The following SPAG16 variants were observed in gnomAD, a reference collection of about 807,000 sequenced individuals.
The protein encoded by SPAG16 is sperm associated antigen 16, also known as sperm-associated antigen 16 protein.
In SPAG16, 86 loss-of-function variants were observed where a neutral mutation model predicts 80.4. That is an observed-to-expected ratio of 1.07 (90% CI 0.90 to 1.28). SPAG16 has a LOEUF of 1.28. Among genes scored for constraint, SPAG16 ranks in the 50% most tolerant of loss-of-function variants. SPAG16 has a pLI of 0.00. For missense variants in SPAG16, 870 were observed against 765.3 expected (o/e 1.14, Z -1.61); for synonymous variants, 294 against 265.9 (o/e 1.11, Z -1.03).
intron 9 of SPAG16, among the ~76,000 whole-genome samples, chr2:213,383,363 A>G (rs1252009141): frequency 6.6e-6 from 1 of 152,140 alleles, no homozygotes; most frequent in Non-Finnish European, 1.5e-5. Context: ...CTTATCTTCT[A>G]GCTCTACTTG....
intron 10 of SPAG16, among the ~76,000 whole-genome samples, chr2:213,508,823 C>G (rs1258292447): frequency 6.6e-6 from 1 of 151,654 alleles, no homozygotes. Context: ...TGTTAAATGA[C>G]GAGTTACTGG....
intron 10 of SPAG16, among the ~76,000 whole-genome samples, chr2:213,715,320 G>A (rs2066193615): frequency 6.6e-6 from 1 of 151,810 alleles, no homozygotes; most frequent in African/African-American, 2.4e-5. Flanking sequence ...GGATATGGAG[G>A]TGAGAAAACA....
Position 214,298,175 on chromosome 2 carries a change from C to T in SPAG16, c.1721-111965C>T, listed in dbSNP as rs9711627. Among the ~76,000 whole-genome samples the T allele has an allele frequency of 3.9e-3, 399 of 101,560 alleles. 2 individuals carry two copies. The highest frequency in any genetic ancestry group is 0.011 in the African/African-American group (349 of 32,054). The allele number at this position is 101,560 out of a possible 152,430, so 66.6% of individuals were successfully genotyped here. A position where few individuals can be genotyped will look rare whatever the true frequency, so the allele number is the denominator to read the frequency against. ...ACACACATATACACACACACACACA[C>T]ATATATATATATTTGCATGGCAATT... On this transcript the variant is annotated intron_variant, in intron 15 of 15. Coordinates refer to ENST00000331683, the MANE Select transcript of SPAG16 (RefSeq NM_024532.5).
rs549097149 is a variant in SPAG16 at position 214,222,819 on chromosome 2, C to T, written c.1720+73553C>T. The stretch of plus-strand genomic sequence containing the variant: ...ACTGGGAGCTTCTATAAAATGCTCT[C>T]TGGATGTGCCTCATACCAAATAAAT... On this transcript the variant is annotated intron_variant, in intron 15 of 15. Coordinates refer to ENST00000331683, the MANE Select transcript of SPAG16 (RefSeq NM_024532.5). 1.2e-3 allele frequency among the ~76,000 whole-genome samples: 190 copies of T among 152,246 alleles called. 2 individuals carry two copies. Among genetic ancestry groups the T allele is most frequent in the African/African-American group, 4.0e-3 (165 of 41,562 alleles).
chr2:213,405,321 C>T (rs2068553246), intron 9 of SPAG16, among the ~76,000 whole-genome samples: 1 of 152,044 alleles, frequency 6.6e-6, no homozygotes, highest in Admixed American at 6.5e-5. Flanking sequence ...AAAATTATAA[C>T]AATTTTTAAA....
chr2:213,946,330 G>C (rs1418796366), intron 12 of SPAG16, among the ~76,000 whole-genome samples: 2 of 151,530 alleles, frequency 1.3e-5, no homozygotes, highest in Non-Finnish European at 2.9e-5. Flanking sequence ...GGCCAGGCTG[G>C]TCTTGAACTC....
rs1387075156 is a variant in SPAG16, at chr2:213,991,136, A to G, written c.1401-22815A>G. On this transcript the variant is annotated intron_variant, in intron 12 of 15. Transcript: ENST00000331683. ...ATCATCTACATTAGGTATGTCTCCT[A>G]ATGCTATCTCTCCCCTAGCCCCCAC... is the stretch of plus-strand genomic sequence containing the variant. Among the ~76,000 whole-genome samples the G allele has an allele frequency of 3.8e-4, 57 of 151,888 alleles. 3 individuals are homozygous for G. The highest frequency in any genetic ancestry group is 3.7e-3 in the Admixed American group (57 of 15,240).
intron 10 of SPAG16, among the ~76,000 whole-genome samples, chr2:213,695,349 A>T (rs1177331601): frequency 6.6e-6 from 1 of 152,196 alleles, no homozygotes; most frequent in African/African-American, 2.4e-5. Flanking sequence ...GTTCAGGATA[A>T]TTCCTTCAAC....
intron 12 of SPAG16, among the ~76,000 whole-genome samples, chr2:214,012,286 A>ATTTTTTTTTTTTT (rs1162955315): frequency 6.6e-4 from 36 of 54,922 alleles, no homozygotes; most frequent in African/African-American, 3.4e-3. Flanking sequence ...ATATATATAT[A>ATTTTTTTTTTTTT]TATTTTTTTT....
At chr2:213,950,259 G>T (rs2079683620) in intron 12 of SPAG16, among the ~76,000 whole-genome samples, 1 of 152,064 alleles carries the variant, frequency 6.6e-6, no homozygotes, top group Admixed American at 6.6e-5. Context: ...CTTTGCAAAT[G>T]TATCTTTATT....
At chr2:214,267,739 T>C (rs1430221520) in intron 15 of SPAG16, among the ~76,000 whole-genome samples, 1 of 151,888 alleles carries the variant, frequency 6.6e-6, no homozygotes, top group Admixed American at 6.6e-5. Context: ...GAAAGCATTC[T>C]ATAGATTCAA....
chr2:214,193,822 A>G (rs2057747202), intron 15 of SPAG16, among the ~76,000 whole-genome samples: 1 of 152,126 alleles, frequency 6.6e-6, no homozygotes, highest in Admixed American at 6.6e-5. Context: ...ATTGGTGCAA[A>G]TGTTCTCTCT....
At chr2:213,831,883 G>A (rs891570682) in intron 10 of SPAG16, among the ~76,000 whole-genome samples, 1 of 152,010 alleles carries the variant, frequency 6.6e-6, no homozygotes, top group Non-Finnish European at 1.5e-5. Context: ...TTTATAATTT[G>A]CTCACTATAA....
chr2:214,252,192 T>C (rs1429077009), intron 15 of SPAG16, among the ~76,000 whole-genome samples: 2 of 152,092 alleles, frequency 1.3e-5, no homozygotes, highest in Non-Finnish European at 2.9e-5. Flanking sequence ...GGAATGATGG[T>C]ATAAAGAACA....
At chr2:214,167,364 A>T (rs1020958104) in intron 15 of SPAG16, among the ~76,000 whole-genome samples, 4 of 152,208 alleles carry the variant, frequency 2.6e-5, no homozygotes, top group Non-Finnish European at 5.9e-5. Context: ...AGTTACCACA[A>T]TGCTGCCAAT....
intron 13 of SPAG16, among the ~76,000 whole-genome samples, chr2:214,015,703 C>A (rs2124974798): frequency 6.6e-6 from 1 of 152,148 alleles, no homozygotes; most frequent in Admixed American, 6.5e-5. Flanking sequence ...GGAGGCTTGT[C>A]TGAACACCAT....
intron 3 of SPAG16, 28 bp downstream of exon 3, chr2:213,297,385 A>G (rs2062548219): frequency 7.2e-7 from 1 of 1,385,204 alleles, no homozygotes; most frequent in Non-Finnish European, 1.0e-6. Flanking sequence ...AGTGTAGTCT[A>G]TAGTTTAGTG....
At chr2:213,928,327 C>T (rs1575575932) in intron 11 of SPAG16, among the ~76,000 whole-genome samples, 1 of 151,686 alleles carries the variant, frequency 6.6e-6, no homozygotes, top group Non-Finnish European at 1.5e-5. Context: ...CTCCTGACCT[C>T]ATGATCTGCC....
At chr2:214,300,057 C>G (rs1037433941) in intron 15 of SPAG16, among the ~76,000 whole-genome samples, 1 of 151,974 alleles carries the variant, frequency 6.6e-6, no homozygotes, top group Non-Finnish European at 1.5e-5. Flanking sequence ...GCAAAATAAC[C>G]GGTATCTCTA....
Sources: gnomAD v4.1 joint callset for allele counts (sites outside exome capture counted in the v4.1 genomes callset) on GRCh38, gnomAD v4.1.1 for gene constraint, MANE v1.5 for transcripts, NCBI Gene and HGNC (gene_info 2026-07-23, HGNC 2026-07-21) for gene names.